The following SPRY3 variants were observed in gnomAD, a reference collection of about 807,000 sequenced individuals.
The protein encoded by SPRY3 is sprouty RTK signaling antagonist 3, also known as protein sprouty homolog 3.
A neutral mutation model predicts 20.2 loss-of-function variants in SPRY3; 15 were observed. That is an observed-to-expected ratio of 0.74 (90% confidence interval 0.50 to 1.14). The LOEUF (loss-of-function observed/expected upper bound fraction) is 1.14. Ranked by LOEUF, SPRY3 falls within the 50% of genes most tolerant of loss-of-function variation. SPRY3 has a pLI of 0.00. For synonymous variants in SPRY3, 143 were observed against 136.5 expected (o/e 1.05, Z -0.33); for missense variants, 364 against 363.9 (o/e 1.00, Z 0.00).
intron 2 of SPRY3, among the ~76,000 whole-genome samples, chrX:155,680,160 G>GTGTGTGTGTT (rs1452347274): frequency 8.0e-4 from 83 of 103,383 alleles, no homozygotes; most frequent in Middle Eastern, 0.01. Context: ...GTGTGTGTGT[G>GTGTGTGTGTT]TGTGTGTGTG....
At chrX:155,743,625 A>G (rs1327722372) in intron 2 of SPRY3, among the ~76,000 whole-genome samples, 1 of 152,156 alleles carries the variant, frequency 6.6e-6, no homozygotes, top group African/African-American at 2.4e-5. Flanking sequence ...CCAGAAAGTT[A>G]TCGAGAACCT....
At chrX:155,671,466 C>T (rs1283730840) in intron 2 of SPRY3, among the ~76,000 whole-genome samples, 5 of 111,162 alleles carry the variant, frequency 4.5e-5, no homozygotes, top group African/African-American at 1.6e-4. Context: ...CAAAATCTTT[C>T]TCTGTCTTTT....
intron 2 of SPRY3, among the ~76,000 whole-genome samples, chrX:155,738,317 T>C (rs1194089166): frequency 1.3e-5 from 2 of 150,580 alleles, no homozygotes; most frequent in Admixed American, 6.6e-5. Context: ...GTTTCCACAA[T>C]ATATATAAAG....
At chrX:155,772,812 T>C (rs1278645359) in intron 3 of SPRY3, among the ~76,000 whole-genome samples, 1 of 152,130 alleles carries the variant, frequency 6.6e-6, no homozygotes, top group Admixed American at 6.5e-5. Flanking sequence ...AATATCACTT[T>C]CCTTTAAGAA....
exon 4 of SPRY3, chrX:155,774,543 C>G (rs771261835): frequency 1.2e-6 from 2 of 1,613,998 alleles, no homozygotes; most frequent in Admixed American, 3.3e-5. Flanking sequence ...GCTGGGCAGC[C>G]ATGAGCCTCA....
At chrX:155,663,654 T>C (rs1369700217) in intron 2 of SPRY3, among the ~76,000 whole-genome samples, 1 of 111,352 alleles carries the variant, frequency 9.0e-6, no homozygotes, top group African/African-American at 3.3e-5. Context: ...CATCAGCATC[T>C]CTTGGAAAGT....
At chrX:155,770,628 T>TTCTC (rs371698358) in intron 3 of SPRY3, among the ~76,000 whole-genome samples, 40,086 of 146,312 alleles carry the variant, frequency 0.27, 5,991 homozygotes, top group African/African-American at 0.41. Flanking sequence ...GATGTGTACA[T>TTCTC]TCTCTCTCTC....
chrX:155,755,441 G>C (rs2091280390), intron 2 of SPRY3, among the ~76,000 whole-genome samples: 1 of 151,828 alleles, frequency 6.6e-6, no homozygotes, highest in Non-Finnish European at 1.5e-5. Context: ...ATGGGCTCTG[G>C]AGTTAAACTG....
chrX:155,774,903 T>C (rs2091414066), exon 4 of SPRY3: 1 of 750,184 alleles, frequency 1.3e-6, no homozygotes, highest in East Asian at 2.7e-5. Flanking sequence ...TGGTGCAGGA[T>C]GCCTTGTTCT....
At chrX:155,764,600 A>C (rs1479439365) in intron 2 of SPRY3, among the ~76,000 whole-genome samples, 1 of 152,178 alleles carries the variant, frequency 6.6e-6, no homozygotes, top group Admixed American at 6.5e-5. Context: ...GGCAGTGAAG[A>C]CAAATATAAT....
intron 2 of SPRY3, among the ~76,000 whole-genome samples, chrX:155,727,016 G>A (rs1384918932): frequency 3.3e-5 from 5 of 152,026 alleles, no homozygotes; most frequent in East Asian, 1.9e-4. Flanking sequence ...CAAATCTCTC[G>A]GCATTTGCTT....
chrX:155,749,607 G>A (rs1000869469), intron 2 of SPRY3, among the ~76,000 whole-genome samples: 18 of 151,800 alleles, frequency 1.2e-4, no homozygotes, highest in Non-Finnish European at 2.4e-4. Context: ...CACCAGTTTG[G>A]CTTCAGTGGG....
At position 155,767,161 on chromosome X, in the gene SPRY3, A is replaced by G. The variant is rs149519107; in HGVS notation, c.-281-801A>G. Among the ~76,000 whole-genome samples the G allele has an allele frequency of 6.8e-3, 1,030 of 152,140 alleles. 5 individuals are homozygous for G. The highest frequency in any genetic ancestry group is 9.9e-3 in the Non-Finnish European group (674 of 68,000). On this transcript the variant is annotated intron_variant, in intron 2 of 3. Coordinates refer to ENST00000675360, the Ensembl canonical transcript of SPRY3. ...AGTTTTAATGGGTCGATTCAATTTC[A>G]TCTGGATGACGCCACTTCGCCAAGC... is the stretch of plus-strand genomic sequence containing the variant.
At chrX:155,742,353 G>C (rs2091207955) in intron 2 of SPRY3, among the ~76,000 whole-genome samples, 1 of 152,106 alleles carries the variant, frequency 6.6e-6, no homozygotes, top group South Asian at 2.1e-4. Flanking sequence ...CAAGTTCTTA[G>C]AGACCTATGA....
At chrX:155,771,086 A>T (rs1223025340) in intron 3 of SPRY3, among the ~76,000 whole-genome samples, 1 of 152,170 alleles carries the variant, frequency 6.6e-6, no homozygotes, top group Non-Finnish European at 1.5e-5. Context: ...ACTTGTAGGC[A>T]AGACAGTGCA....
rs1206891749 is a variant in SPRY3 at position 155,716,981 on chromosome X, A to AAATATATATATATATATATAT, written c.-281-50980_-281-50979insATATATATATATATATATATA. ...AAACCCTGTTTCCACTAAAATACAA[A>AAATATATATATATATATATAT]ATATATATATATATATATATATATA... is the stretch of plus-strand genomic sequence containing the variant. On this transcript the variant is annotated intron_variant, in intron 2 of 3. Coordinates refer to ENST00000675360, the Ensembl canonical transcript of SPRY3. Among the ~76,000 whole-genome samples, 4 of 63,482 alleles carry AAATATATATATATATATATAT rather than the reference A, an allele frequency of 6.3e-5. No individual in the cohort carries two copies. The South Asian group carries it at 2.1e-3, about 33-fold the overall frequency. The allele number at this position is 63,482 out of a possible 152,430, so 41.6% of individuals were successfully genotyped here.
At chrX:155,629,595 A>G (rs998784580) in intron 1 of SPRY3, among the ~76,000 whole-genome samples, 6 of 111,656 alleles carry the variant, frequency 5.4e-5, no homozygotes, top group Admixed American at 9.5e-5. Context: ...GTCTTCCACA[A>G]TGGTTGAACT....
intron 1 of SPRY3, among the ~76,000 whole-genome samples, chrX:155,637,985 T>C (rs1451370279): frequency 8.3e-5 from 9 of 108,357 alleles, no homozygotes; most frequent in Non-Finnish European, 1.7e-4. Context: ...TGTTTTTTTT[T>C]TTTTTTAATT....
intron 2 of SPRY3, among the ~76,000 whole-genome samples, chrX:155,671,174 A>G (rs1021935728): frequency 1.6e-4 from 18 of 111,946 alleles, no homozygotes; most frequent in African/African-American, 5.8e-4. Flanking sequence ...ATGTAGAACT[A>G]TGTGAGGTGA....
Sources: gnomAD v4.1 joint callset for allele counts (sites outside exome capture counted in the v4.1 genomes callset) on GRCh38, gnomAD v4.1.1 for gene constraint, MANE v1.5 for transcripts, NCBI Gene and HGNC (gene_info 2026-07-23, HGNC 2026-07-21) for gene names.